Variants in SMYD3 observed in about 807,000 individuals in gnomAD.
SMYD3 encodes SET and MYND domain containing 3.
A neutral mutation model predicts 57.7 loss-of-function variants in SMYD3; 36 were observed. That is an observed-to-expected ratio of 0.62 (90% CI 0.48 to 0.82). The LOEUF (loss-of-function observed/expected upper bound fraction) is 0.82. SMYD3 is among the 40% of genes least tolerant of loss of function. The pLI is 0.00. For missense variants in SMYD3, 515 were observed against 538.8 expected, an observed-to-expected ratio of 0.96 and a Z score of 0.44; for synonymous variants, 211 against 195.0, an observed-to-expected ratio of 1.08 and a Z score of -0.68.
intron 5 of SMYD3, among the ~76,000 whole-genome samples, chr1:246,008,540 G>A (rs2059218428): frequency 6.6e-6 from 1 of 152,200 alleles, no homozygotes; most frequent in Non-Finnish European, 1.5e-5. Context: ...CTGTAAGAAT[G>A]CCATGACTAT....
intron 10 of SMYD3, among the ~76,000 whole-genome samples, chr1:245,826,037 A>ATTTTTTTTT: frequency 2.5e-5 from 1 of 40,678 alleles, no homozygotes; most frequent in East Asian, 7.0e-4. Context: ...ATTTAATTAA[A>ATTTTTTTTT]TATTTGTTAA....
chr1:245,749,623 G>C lies in SMYD3; in HGVS notation c.1227C>G (p.Ser409Arg). ...IMRVTHGREH[S>R]LIEDLILLLE... is the part of the protein sequence containing the mutation. Reference sequence around the variant, plus strand: ...AAAGTAGAATCAAATCTTCAATCAGGCTGTGTTCTCTGCCATGTGTCACTC... The same window carrying C: ...AAAGTAGAATCAAATCTTCAATCAGCCTGTGTTCTCTGCCATGTGTCACTC... The change falls in exon 12 of 12, where the codon AGC becomes AGG. Residue 409 changes from serine to arginine, a missense_variant. Transcript: ENST00000490107. The C allele has an allele frequency of 6.2e-7, 1 of 1,614,096 alleles. No homozygotes were observed. The highest frequency in any genetic ancestry group is 8.5e-7 in the Non-Finnish European group (1 of 1,179,996).
At chr1:245,929,720 T>C (rs1192167425) in intron 6 of SMYD3, 150 bp downstream of exon 6, 1 of 626,342 alleles carries the variant, frequency 1.6e-6, no homozygotes, top group East Asian at 2.8e-5. Flanking sequence ...CAACTTAACA[T>C]TTTCCATTTT....
At chr1:245,764,286 T>C in intron 10 of SMYD3, 137 bp from the exon 11 acceptor site, 1 of 639,734 alleles carries the variant, frequency 1.6e-6, no homozygotes, top group Non-Finnish European at 2.8e-6. Flanking sequence ...AGCTTTGCAA[T>C]CCAGGAGAAT....
chr1:246,245,262 G>T (rs1392201879), intron 5 of SMYD3, among the ~76,000 whole-genome samples: 1 of 151,958 alleles, frequency 6.6e-6, no homozygotes, highest in African/African-American at 2.4e-5. Context: ...GGACAACATG[G>T]CAAGACCCTG....
At chr1:245,757,353 G>A (rs1403330505) in intron 11 of SMYD3, among the ~76,000 whole-genome samples, 1 of 151,944 alleles carries the variant, frequency 6.6e-6, no homozygotes, top group African/African-American at 2.4e-5. Flanking sequence ...TCCCTTGTAT[G>A]TATATATCCC....
chr1:246,079,813 G>C (rs1057440772), intron 5 of SMYD3, among the ~76,000 whole-genome samples: 1 of 152,180 alleles, frequency 6.6e-6, no homozygotes, highest in African/African-American at 2.4e-5. Flanking sequence ...TCTCATGAAA[G>C]AATAAACATT....
chr1:246,028,322 T>C (rs962957877), intron 5 of SMYD3, among the ~76,000 whole-genome samples: 2 of 152,168 alleles, frequency 1.3e-5, no homozygotes, highest in Non-Finnish European at 2.9e-5. Flanking sequence ...GTGAATGACA[T>C]AATCCTATAT....
At chr1:245,929,972 A>G in intron 5 of SMYD3, 35 bp from the exon 6 acceptor site, 1 of 1,573,402 alleles carries the variant, frequency 6.4e-7, no homozygotes, top group South Asian at 1.1e-5. Flanking sequence ...GTATTACTAG[A>G]GTCACTTAAG....
intron 5 of SMYD3, among the ~76,000 whole-genome samples, chr1:246,237,541 T>C (rs1475630157): frequency 7.2e-6 from 1 of 139,056 alleles, no homozygotes; most frequent in Non-Finnish European, 1.5e-5. Flanking sequence ...ACCAGCTTCC[T>C]GGTTAATCTC....
At chr1:246,408,151 G>T (rs1282926743) in intron 1 of SMYD3, among the ~76,000 whole-genome samples, 2 of 151,968 alleles carry the variant, frequency 1.3e-5, no homozygotes, top group East Asian at 1.9e-4. Context: ...TCACCTTAGG[G>T]GTTAAGATCA....
intron 5 of SMYD3, among the ~76,000 whole-genome samples, chr1:246,272,946 C>G (rs367570409): frequency 6.6e-6 from 1 of 152,230 alleles, no homozygotes; most frequent in Admixed American, 6.5e-5. Flanking sequence ...TTATTGATTA[C>G]TGATTCAATC....
At chr1:245,803,748 A>G (rs1470339042) in intron 10 of SMYD3, among the ~76,000 whole-genome samples, 3 of 152,204 alleles carry the variant, frequency 2.0e-5, no homozygotes, top group Non-Finnish European at 4.4e-5. Flanking sequence ...ACACAAACCT[A>G]TCAGCTTAAG....
At chr1:245,895,107 C>T (rs2053676381) in intron 8 of SMYD3, among the ~76,000 whole-genome samples, 1 of 152,198 alleles carries the variant, frequency 6.6e-6, no homozygotes, top group South Asian at 2.1e-4. Context: ...AGCCTCTCCC[C>T]GTATGTCATA....
At chr1:245,984,950 A>C (rs2058673042) in intron 5 of SMYD3, among the ~76,000 whole-genome samples, 1 of 152,040 alleles carries the variant, frequency 6.6e-6, no homozygotes, top group African/African-American at 2.4e-5. Flanking sequence ...AACTCTGCTG[A>C]ATGTGCACAT....
At chr1:246,209,556 C>A (rs2063055118) in intron 5 of SMYD3, among the ~76,000 whole-genome samples, 1 of 150,382 alleles carries the variant, frequency 6.6e-6, no homozygotes, top group African/African-American at 2.5e-5. Context: ...AACTGACAGA[C>A]CACTGAAATA....
At chr1:246,125,886 T>C (rs1029791120) in intron 5 of SMYD3, among the ~76,000 whole-genome samples, 2 of 152,060 alleles carry the variant, frequency 1.3e-5, no homozygotes, top group Admixed American at 6.5e-5. Flanking sequence ...AATTTGTAAT[T>C]CGAGTAGTAG....
chr1:245,878,580 T>G (rs1244426837), intron 8 of SMYD3, among the ~76,000 whole-genome samples: 1 of 152,184 alleles, frequency 6.6e-6, no homozygotes, highest in African/African-American at 2.4e-5. Context: ...TCTACTGAAA[T>G]CAAGAGACAG....
intron 5 of SMYD3, among the ~76,000 whole-genome samples, chr1:246,081,318 G>A (rs1414638891): frequency 6.6e-6 from 1 of 152,208 alleles, no homozygotes; most frequent in African/African-American, 2.4e-5. Flanking sequence ...GAGACTCTGT[G>A]CTTGTGTTTA....
Sources: gnomAD v4.1 joint callset for allele counts (sites outside exome capture counted in the v4.1 genomes callset) on GRCh38, gnomAD v4.1.1 for gene constraint, MANE v1.5 for transcripts, NCBI Gene and HGNC (gene_info 2026-07-23, HGNC 2026-07-21) for gene names.